CELF2: variants seen among roughly 807,000 people sequenced by gnomAD.
The protein encoded by CELF2 is CUGBP Elav-like family member 2.
Under a neutral mutation model 62.6 loss-of-function variants are expected in CELF2, and 8 were observed. The observed-to-expected ratio is 0.13, with a 90% CI of 0.07 to 0.23. The LOEUF is 0.23. Among genes scored for constraint, CELF2 ranks in the 10% least tolerant of loss-of-function variants. The probability of loss-of-function intolerance (pLI) is 1.00; values close to 1 mark genes in which losing one functional copy is unlikely to be tolerated. For missense variants in CELF2, 333 were observed against 671.0 expected (o/e 0.50, Z 5.56); for synonymous variants, 258 against 250.0 (o/e 1.03, Z -0.30).
intron 9 of CELF2, among the ~76,000 whole-genome samples, chr10:11,308,753 T>C (rs772601988): frequency 3.2e-4 from 48 of 152,366 alleles, no homozygotes; most frequent in Non-Finnish European, 6.3e-4. Context: ...CTGTCTAGGC[T>C]AATTTTTATT....
chr10:10,478,681 C>G, the CELF2 span, among the ~76,000 whole-genome samples: 1 of 152,148 alleles, frequency 6.6e-6, no homozygotes, highest in Non-Finnish European at 1.5e-5. Flanking sequence ...ACAGATGAAG[C>G]TACCCATGCA....
chr10:11,087,129 C>G (rs565365880), intron 1 of CELF2, among the ~76,000 whole-genome samples: 1 of 152,318 alleles, frequency 6.6e-6, no homozygotes, highest in African/African-American at 2.4e-5. Flanking sequence ...TGCTGTCTTA[C>G]ATCTCTAAAG....
At chr10:10,630,990 G>A in the CELF2 span, among the ~76,000 whole-genome samples, 30 of 152,130 alleles carry the variant, frequency 2.0e-4, no homozygotes, top group Non-Finnish European at 4.4e-5. Context: ...TGCCAGGGGA[G>A]CTCTAATTTG....
rs150627430 is a variant in CELF2, at chr10:11,025,890, A to G, written c.74+7727A>G. Reference sequence around the variant, plus strand: ...TTGGATTAACTCTGATGAAGGGTGAAGACAACCTCACTCTGGCAGTTCTGC... The same window carrying G: ...TTGGATTAACTCTGATGAAGGGTGAGGACAACCTCACTCTGGCAGTTCTGC... On this transcript the variant is annotated intron_variant, in intron 1 of 12. Transcript: ENST00000633077. 4.6e-3 allele frequency among the ~76,000 whole-genome samples: 699 copies of G among 152,368 alleles called. 5 individuals are homozygous for G. The highest frequency in any genetic ancestry group is 0.016 in the African/African-American group (664 of 41,588).
At chr10:11,195,402 A>T (rs1340016958) in intron 2 of CELF2, among the ~76,000 whole-genome samples, 1 of 152,234 alleles carries the variant, frequency 6.6e-6, no homozygotes, top group Non-Finnish European at 1.5e-5. Context: ...ACATGAAGTC[A>T]TGAGGTCCTT....
At chr10:11,282,576 C>G (rs2089342825) in intron 8 of CELF2, among the ~76,000 whole-genome samples, 1 of 152,218 alleles carries the variant, frequency 6.6e-6, no homozygotes, top group Non-Finnish European at 1.5e-5. Flanking sequence ...AGTTATTAGT[C>G]TGAGAGCTTC....
At position 11,315,089 on chromosome 10, in the gene CELF2, G is replaced by T. The variant is rs572190687; in HGVS notation, c.1096+831G>T. 9.9e-5 allele frequency among the ~76,000 whole-genome samples: 15 copies of T among 152,264 alleles called. No individual in the cohort carries two copies. The highest frequency in any genetic ancestry group is 2.1e-4 in the South Asian group (1 of 4,816). On this transcript the variant is annotated intron_variant, in intron 10 of 12. Coordinates refer to ENST00000633077, the MANE Select transcript of CELF2 (RefSeq NM_001326342.2). The surrounding 1 kb of genome is among the most constrained non-coding windows in gnomAD (Gnocchi z 5.8). ...CGGTTGATGGGGGAGCAGTGTGCCG[G>T]CCAGAGGATAAGTCGTGTTTTAGAT... is the stretch of plus-strand genomic sequence containing the variant.
the CELF2 span, among the ~76,000 whole-genome samples, chr10:10,602,689 T>C: frequency 6.6e-6 from 1 of 152,126 alleles, no homozygotes; most frequent in Admixed American, 6.6e-5. Context: ...ATTTTTATAT[T>C]ATTATCTATT....
intron 1 of CELF2, among the ~76,000 whole-genome samples, chr10:10,845,020 C>T (rs1368120547): frequency 6.6e-6 from 1 of 152,110 alleles, no homozygotes; most frequent in Non-Finnish European, 1.5e-5. Flanking sequence ...TAATTATTTG[C>T]TCAAGGACAG....
the CELF2 span, among the ~76,000 whole-genome samples, chr10:10,483,147 T>C: frequency 6.7e-6 from 1 of 149,804 alleles, no homozygotes; most frequent in African/African-American, 2.5e-5. Flanking sequence ...CCTTTACAAG[T>C]TACAGTCTCA....
chr10:10,603,784 TACACAC>T, the CELF2 span, among the ~76,000 whole-genome samples: 5 of 148,446 alleles, frequency 3.4e-5, no homozygotes, highest in East Asian at 2.0e-4. Context: ...TATTTACACA[TACACAC>T]ACACACACAC....
At chr10:10,610,476 A>T in the CELF2 span, among the ~76,000 whole-genome samples, 1 of 152,150 alleles carries the variant, frequency 6.6e-6, no homozygotes, top group African/African-American at 2.4e-5. Flanking sequence ...TGAGGTTGGT[A>T]TTTTTTTAGA....
the CELF2 span, among the ~76,000 whole-genome samples, chr10:10,723,321 C>T: frequency 1.3e-5 from 2 of 152,168 alleles, no homozygotes; most frequent in African/African-American, 4.8e-5. Context: ...AATGGAAGTT[C>T]TGTTGGTCTG....
chr10:10,746,595 C>T, the CELF2 span, among the ~76,000 whole-genome samples: 1 of 152,146 alleles, frequency 6.6e-6, no homozygotes, highest in African/African-American at 2.4e-5. Flanking sequence ...TCTCATTATC[C>T]TTCTGACCTC....
chr10:10,801,193 G>C (rs2054628578), intron 1 of CELF2, among the ~76,000 whole-genome samples: 1 of 152,188 alleles, frequency 6.6e-6, no homozygotes, highest in Admixed American at 6.5e-5. Flanking sequence ...ACCTGGGAAA[G>C]AGAAACATTT....
the CELF2 span, among the ~76,000 whole-genome samples, chr10:10,679,696 T>C: frequency 6.6e-6 from 1 of 152,232 alleles, no homozygotes; most frequent in Non-Finnish European, 1.5e-5. Context: ...TCCACAATTA[T>C]CAACACAATA....
chr10:10,496,964 C>T, the CELF2 span, among the ~76,000 whole-genome samples: 3 of 152,006 alleles, frequency 2.0e-5, no homozygotes, highest in Non-Finnish European at 4.4e-5. Flanking sequence ...CCAAGGTGGG[C>T]GGATCACTTC....
At chr10:10,681,200 A>G in the CELF2 span, among the ~76,000 whole-genome samples, 1 of 152,160 alleles carries the variant, frequency 6.6e-6, no homozygotes, top group Non-Finnish European at 1.5e-5. Flanking sequence ...CCATTTATTC[A>G]TGTTTATATC....
intron 1 of CELF2, among the ~76,000 whole-genome samples, chr10:10,883,203 AT>A (rs2061543854): frequency 6.6e-6 from 1 of 152,224 alleles, no homozygotes; most frequent in Admixed American, 6.5e-5. Context: ...AGCTTAGCAA[AT>A]TAACACTTTG....
Sources: allele counts gnomAD v4.1 joint callset (sites outside exome capture counted in the v4.1 genomes callset), GRCh38; gene constraint gnomAD v4.1.1; non-coding constraint Gnocchi (gnomAD v3.1); transcripts MANE v1.5; gene names NCBI Gene and HGNC (gene_info 2026-07-23, HGNC 2026-07-21).